The following LGSN variants were observed in gnomAD, a reference collection of about 807,000 sequenced individuals.
LGSN encodes lengsin.
Under a neutral mutation model 19.5 loss-of-function variants are expected in LGSN, and 21 were observed. That is an observed-to-expected ratio of 1.07 (90% CI 0.76 to 1.55). LGSN has a LOEUF of 1.55. Among genes scored for constraint, LGSN ranks in the 40% most tolerant of loss-of-function variants. LGSN has a pLI of 0.00. For missense variants in LGSN, 673 were observed against 608.5 expected, an observed-to-expected ratio of 1.11 and a Z score of -1.12; for synonymous variants, 257 against 215.6, an observed-to-expected ratio of 1.19 and a Z score of -1.68.
chr6:63,539,804 A>G, the LGSN span, among the ~76,000 whole-genome samples: 1 of 152,170 alleles, frequency 6.6e-6, no homozygotes, highest in African/African-American at 2.4e-5. Flanking sequence ...TGAATAGGCA[A>G]TCTTCAGAAA....
chr6:63,518,143 G>A, the LGSN span, among the ~76,000 whole-genome samples: 1 of 135,314 alleles, frequency 7.4e-6, no homozygotes, highest in African/African-American at 3.0e-5. Context: ...AACACAGTGA[G>A]ACTCCGTCTC....
At chr6:63,391,848 G>C in the LGSN span, among the ~76,000 whole-genome samples, 1,232 of 152,304 alleles carry the variant, frequency 8.1e-3, 13 homozygotes, top group South Asian at 0.025. Flanking sequence ...GAAACACTCA[G>C]CTGTCTTTCA....
chr6:63,422,920 T>C, the LGSN span, among the ~76,000 whole-genome samples: 7 of 152,160 alleles, frequency 4.6e-5, no homozygotes, highest in Admixed American at 3.9e-4. Flanking sequence ...AAGACAGAGA[T>C]TGGCATAGTG....
chr6:63,358,414 A>G, the LGSN span, among the ~76,000 whole-genome samples: 1 of 152,184 alleles, frequency 6.6e-6, no homozygotes, highest in Non-Finnish European at 1.5e-5. Flanking sequence ...TCTATAAATT[A>G]CCTTGGGCAG....
chr6:63,404,956 G>T, the LGSN span, among the ~76,000 whole-genome samples: 1 of 66,752 alleles, frequency 1.5e-5, no homozygotes, highest in Non-Finnish European at 2.9e-5. Flanking sequence ...CCCTCCCCCC[G>T]CCCCCCACCC....
intron 1 of LGSN, among the ~76,000 whole-genome samples, chr6:63,304,889 TA>T (rs1768320144): frequency 6.6e-6 from 1 of 152,162 alleles, no homozygotes; most frequent in Non-Finnish European, 1.5e-5. Flanking sequence ...AATAATGTGC[TA>T]AGACAGAAAA....
intron 1 of LGSN, among the ~76,000 whole-genome samples, chr6:63,302,248 A>G (rs534353186): frequency 2.4e-4 from 36 of 152,314 alleles, no homozygotes; most frequent in Non-Finnish European, 4.3e-4. Context: ...ATGTTTATTT[A>G]TGTTAAATTA....
the LGSN span, among the ~76,000 whole-genome samples, chr6:63,494,323 T>C: frequency 6.6e-6 from 1 of 152,248 alleles, no homozygotes; most frequent in Non-Finnish European, 1.5e-5. Context: ...AGCTTATCAT[T>C]ATAAGTCTTA....
intron 2 of LGSN, 122 bp downstream of exon 2, chr6:63,294,791 A>G: frequency 5.3e-6 from 5 of 945,032 alleles, no homozygotes. Context: ...TTATGTAGGA[A>G]TAACTTTTAT....
the LGSN span, among the ~76,000 whole-genome samples, chr6:63,349,884 A>G: frequency 6.6e-6 from 1 of 152,208 alleles, no homozygotes; most frequent in African/African-American, 2.4e-5. Flanking sequence ...GACTGGGAAC[A>G]ATCCACTTCT....
chr6:63,328,750 C>A, the LGSN span, among the ~76,000 whole-genome samples: 4 of 152,180 alleles, frequency 2.6e-5, no homozygotes, highest in Non-Finnish European at 5.9e-5. Flanking sequence ...GTACTAGGAC[C>A]TGCTTTAAGG....
chr6:63,361,502 G>A, the LGSN span, among the ~76,000 whole-genome samples: 173 of 152,272 alleles, frequency 1.1e-3, no homozygotes, highest in Non-Finnish European at 1.8e-3. Context: ...AAGACCATCG[G>A]AAAAGCGCAG....
At chr6:63,309,481 T>C (rs755427756) in intron 1 of LGSN, among the ~76,000 whole-genome samples, 3 of 152,186 alleles carry the variant, frequency 2.0e-5, no homozygotes, top group African/African-American at 4.8e-5. Flanking sequence ...GTCACCTGGA[T>C]TGACACAATT....
chr6:63,324,664 G>A (rs1403050536), upstream of LGSN, among the ~76,000 whole-genome samples: 5 of 151,992 alleles, frequency 3.3e-5, no homozygotes, highest in Non-Finnish European at 7.4e-5. Flanking sequence ...CTCCTGAATG[G>A]TCACTGGGTC....
At chr6:63,508,342 G>T in the LGSN span, among the ~76,000 whole-genome samples, 16 of 152,116 alleles carry the variant, frequency 1.1e-4, no homozygotes, top group African/African-American at 3.9e-4. Context: ...ACTTTTGATT[G>T]CCTTCCCTTT....
intron 1 of LGSN, among the ~76,000 whole-genome samples, chr6:63,303,401 G>A (rs749357072): frequency 1.3e-5 from 2 of 152,120 alleles, no homozygotes; most frequent in Non-Finnish European, 2.9e-5. Context: ...CAACAATAAA[G>A]GTACTTGTTT....
chr6:63,537,940 A>G, the LGSN span, among the ~76,000 whole-genome samples: 10 of 152,256 alleles, frequency 6.6e-5, no homozygotes, highest in Non-Finnish European at 1.5e-5. Flanking sequence ...TTAAAAGAAC[A>G]GAAAAGAGGA....
the LGSN span, among the ~76,000 whole-genome samples, chr6:63,562,865 G>C: frequency 6.6e-5 from 10 of 152,190 alleles, no homozygotes; most frequent in East Asian, 1.9e-3. Context: ...CAAACATATT[G>C]CTAATGAAAA....
the LGSN span, among the ~76,000 whole-genome samples, chr6:63,421,047 A>AG: frequency 2.3e-5 from 1 of 44,076 alleles, no homozygotes; most frequent in Non-Finnish European, 7.0e-5. Context: ...TGAGTCAGGT[A>AG]AAAAAAATGA....
Sources: gnomAD v4.1 joint callset for allele counts (sites outside exome capture counted in the v4.1 genomes callset) on GRCh38, gnomAD v4.1.1 for gene constraint, MANE v1.5 for transcripts, NCBI Gene and HGNC (gene_info 2026-07-23, HGNC 2026-07-21) for gene names.